The following ASIC2 variants were observed in gnomAD, a reference collection of about 807,000 sequenced individuals.
ASIC2 encodes acid-sensing ion channel 2.
In ASIC2, 25 loss-of-function variants were observed where a neutral mutation model predicts 57.3. The observed-to-expected ratio is 0.44, with a 90% CI of 0.32 to 0.61. ASIC2 has a LOEUF of 0.61. Ranked by LOEUF, ASIC2 falls within the 20% of genes least tolerant of loss-of-function variation. The pLI, the probability that ASIC2 is intolerant of heterozygous loss-of-function variation, is 0.06. For synonymous variants in ASIC2, 319 were observed against 307.5 expected, an observed-to-expected ratio of 1.04 and a Z score of -0.39; for missense variants, 641 against 738.1, an observed-to-expected ratio of 0.87 and a Z score of 1.52.
intron 3 of ASIC2, among the ~76,000 whole-genome samples, chr17:33,059,547 T>G (rs956042238): frequency 7.2e-5 from 11 of 152,216 alleles, no homozygotes; most frequent in African/African-American, 1.9e-4. Flanking sequence ...ATTTTCTTAA[T>G]CCAGTCTATC....
intron 1 of ASIC2, among the ~76,000 whole-genome samples, chr17:33,186,725 A>G (rs1906212061): frequency 6.6e-6 from 1 of 152,184 alleles, no homozygotes; most frequent in Non-Finnish European, 1.5e-5. Flanking sequence ...ATCAAAGCTG[A>G]TCCTCTTACA....
intron 7 of ASIC2, among the ~76,000 whole-genome samples, chr17:33,020,709 ACT>A (rs774869162): frequency 2.6e-5 from 4 of 151,518 alleles, no homozygotes; most frequent in Non-Finnish European, 4.4e-5. Context: ...TTGACAAATG[ACT>A]CTCAGTCCAG....
At chr17:33,602,605 T>C (rs1378135672) in intron 1 of ASIC2, among the ~76,000 whole-genome samples, 1 of 152,130 alleles carries the variant, frequency 6.6e-6, no homozygotes, top group East Asian at 1.9e-4. Context: ...AATAAATAGA[T>C]GCCCCCACCC....
At chr17:33,521,939 C>T (rs1345789796) in intron 1 of ASIC2, among the ~76,000 whole-genome samples, 1 of 152,202 alleles carries the variant, frequency 6.6e-6, no homozygotes, top group East Asian at 1.9e-4. Flanking sequence ...GCAGGGAGGC[C>T]CTCTGGCAAC....
intron 3 of ASIC2, among the ~76,000 whole-genome samples, chr17:33,044,950 A>G (rs574357421): frequency 5.3e-5 from 8 of 152,198 alleles, no homozygotes; most frequent in Admixed American, 3.9e-4. Context: ...GCAGATCAGG[A>G]GTGGGAAATG....
At chr17:34,085,632 C>G (rs998633427) in intron 1 of ASIC2, among the ~76,000 whole-genome samples, 20 of 152,090 alleles carry the variant, frequency 1.3e-4, no homozygotes, top group Non-Finnish European at 2.9e-4. Flanking sequence ...CCTCCTTGTA[C>G]CTCTGGTAGA....
chr17:34,017,834 A>G (rs2142026400), intron 1 of ASIC2, among the ~76,000 whole-genome samples: 1 of 152,358 alleles, frequency 6.6e-6, no homozygotes, highest in Admixed American at 6.5e-5. Flanking sequence ...AGCTAGCAAA[A>G]GTTGGTTCAT....
intron 3 of ASIC2, among the ~76,000 whole-genome samples, chr17:33,082,528 G>A (rs1012636248): frequency 2.6e-5 from 4 of 151,892 alleles, no homozygotes; most frequent in African/African-American, 4.8e-5. Flanking sequence ...GTGAAACCAC[G>A]TCTCTACTAA....
intron 1 of ASIC2, among the ~76,000 whole-genome samples, chr17:33,158,836 A>G (rs970509733): frequency 2.6e-5 from 4 of 152,248 alleles, no homozygotes; most frequent in African/African-American, 9.6e-5. Context: ...TTAGCATTCA[A>G]TAAAGGTCAA....
chr17:33,579,266 G>C (rs1159890599), intron 1 of ASIC2, among the ~76,000 whole-genome samples: 1 of 136,396 alleles, frequency 7.3e-6, no homozygotes, highest in Non-Finnish European at 1.5e-5. Flanking sequence ...AGCCTGGGTA[G>C]CACGAATGAA....
intron 1 of ASIC2, among the ~76,000 whole-genome samples, chr17:33,305,634 C>T (rs1325966063): frequency 6.6e-6 from 1 of 152,136 alleles, no homozygotes; most frequent in Admixed American, 6.5e-5. Flanking sequence ...TAGCCCCAAA[C>T]AATAGCTGAA....
intron 1 of ASIC2, chr17:34,072,475 T>C (rs1357412257): frequency 1.3e-5 from 2 of 152,256 alleles, no homozygotes; most frequent in Non-Finnish European, 2.9e-5. Context: ...AAAGCCAGCA[T>C]AGAGCCAGCT....
In ASIC2 at chr17:33,291,489, G is replaced by A; in HGVS notation, c.627C>T (p.Asp209=). ...TGTCCTCCAGCTGGTGGCCCAGGCGGTCCATGAAGGCGGCGCTGATTCCCT... is the reference window on the plus strand; with the variant it reads ...TGTCCTCCAGCTGGTGGCCCAGGCGATCCATGAAGGCGGCGCTGATTCCCT... ...HFEGISAAFM[D]RLGHQLEDML... Residue 209 remains aspartate, a synonymous_variant, in exon 1 of 10, where the codon GAC becomes GAT. Transcript: ENST00000225823. 6.2e-7 allele frequency: 1 copy of A among 1,612,690 alleles called. No individual in the cohort carries two copies. The highest frequency in any genetic ancestry group is 1.1e-5 in the South Asian group (1 of 91,064).
chr17:33,712,031 A>G lies in ASIC2; in HGVS notation c.555+443947T>C, dbSNP rs73986124. On this transcript the variant is annotated intron_variant, in intron 1 of 9. Coordinates refer to the ASIC2 transcript ENST00000359872. ...TCCAATCATCATCCCCCTTTTCTCCATACCTCCCATGATGTAACAGTAGAT... is the reference window on the plus strand; with the variant it reads ...TCCAATCATCATCCCCCTTTTCTCCGTACCTCCCATGATGTAACAGTAGAT... Among the ~76,000 whole-genome samples, 401 of 152,246 alleles carry G rather than the reference A, an allele frequency of 2.6e-3. 4 individuals are homozygous for G. The highest frequency in any genetic ancestry group is 9.2e-3 in the African/African-American group (381 of 41,550).
chr17:33,775,502 G>A (rs755129888), intron 1 of ASIC2, among the ~76,000 whole-genome samples: 1 of 152,318 alleles, frequency 6.6e-6, no homozygotes, highest in Non-Finnish European at 1.5e-5. Context: ...CTGTAGGTGC[G>A]AAACGAATGA....
intron 3 of ASIC2, among the ~76,000 whole-genome samples, chr17:33,084,405 TA>T (rs1395551382): frequency 6.6e-6 from 1 of 152,206 alleles, no homozygotes; most frequent in African/African-American, 2.4e-5. Flanking sequence ...CTCCCTGGAT[TA>T]GCTCCCTGTG....
intron 3 of ASIC2, among the ~76,000 whole-genome samples, chr17:33,056,505 G>A (rs1417873784): frequency 2.0e-5 from 3 of 152,136 alleles, no homozygotes; most frequent in African/African-American, 7.2e-5. Context: ...CACAGGTTGA[G>A]CCATGTTGGG....
chr17:33,179,821 A>G (rs1472392412), intron 1 of ASIC2, among the ~76,000 whole-genome samples: 2 of 152,230 alleles, frequency 1.3e-5, no homozygotes, highest in East Asian at 1.9e-4. Flanking sequence ...GTTCTAACGT[A>G]TCATTGTGGG....
intron 1 of ASIC2, among the ~76,000 whole-genome samples, chr17:33,609,115 C>T (rs1390115645): frequency 6.6e-6 from 1 of 152,200 alleles, no homozygotes; most frequent in Non-Finnish European, 1.5e-5. Flanking sequence ...TCTTTGGACG[C>T]TGTTGTGACT....
Sources: allele counts gnomAD v4.1 joint callset (sites outside exome capture counted in the v4.1 genomes callset), GRCh38; gene constraint gnomAD v4.1.1; transcripts MANE v1.5; gene names NCBI Gene and HGNC (gene_info 2026-07-23, HGNC 2026-07-21).